DENND2B: variants seen among roughly 807,000 people sequenced by gnomAD.
DENND2B encodes DENN domain-containing protein 2B.
A neutral mutation model predicts 116.0 loss-of-function variants in DENND2B; 32 were observed. The ratio of observed to expected loss-of-function variants is 0.28; its 90% CI spans 0.21 to 0.37. DENND2B has a LOEUF of 0.37. DENND2B is among the 10% of genes least tolerant of loss of function. The pLI, the probability that DENND2B is intolerant of heterozygous loss-of-function variation, is 1.00. For synonymous variants in DENND2B, 588 were observed against 583.9 expected (o/e 1.01, Z -0.10); for missense variants, 1,276 against 1,477.7 (o/e 0.86, Z 2.24).
At chr11:8,746,860 G>C (rs999346333) in intron 2 of DENND2B, among the ~76,000 whole-genome samples, 2 of 152,160 alleles carry the variant, frequency 1.3e-5, no homozygotes, top group Non-Finnish European at 2.9e-5. Flanking sequence ...AGGATGAAGA[G>C]AGGCAGGCTT....
intron 2 of DENND2B, among the ~76,000 whole-genome samples, chr11:8,738,828 T>A (rs541044211): frequency 3.1e-4 from 47 of 152,288 alleles, no homozygotes; most frequent in South Asian, 8.3e-4. Context: ...TTATCCCACA[T>A]TGTTTTCCCT....
At chr11:8,859,489 T>C (rs1019469343) in intron 2 of DENND2B, among the ~76,000 whole-genome samples, 4 of 152,016 alleles carry the variant, frequency 2.6e-5, no homozygotes, top group Admixed American at 2.6e-4. Context: ...TTGTATTTTT[T>C]AGTAGAGACG....
At chr11:8,751,618 C>T (rs910776949) in intron 1 of DENND2B, among the ~76,000 whole-genome samples, 2 of 152,166 alleles carry the variant, frequency 1.3e-5, no homozygotes, top group Non-Finnish European at 2.9e-5. Flanking sequence ...AAGGAACAAA[C>T]TACAGACATG....
chr11:8,804,562 T>TTTTTTTG (rs2060662582), intron 1 of DENND2B, among the ~76,000 whole-genome samples: 2 of 150,742 alleles, frequency 1.3e-5, no homozygotes, highest in African/African-American at 2.4e-5. Flanking sequence ...TTTTTTTTTT[T>TTTTTTTG]GAGACGAAGT....
At chr11:8,810,235 C>T (rs1207454870) in intron 1 of DENND2B, 3 of 152,028 alleles carry the variant, frequency 2.0e-5, no homozygotes. Context: ...GTAAAAATAT[C>T]CTGTGCCTTT....
intron 1 of DENND2B, chr11:8,776,297 CCT>C (rs1196571957): frequency 2.0e-5 from 9 of 451,376 alleles, no homozygotes; most frequent in African/African-American, 1.2e-4. Context: ...TCTCCTTCTT[CCT>C]CTCTGCTTAT....
chr11:8,748,533 C>T (rs1340441644), intron 2 of DENND2B, among the ~76,000 whole-genome samples: 1 of 152,150 alleles, frequency 6.6e-6, no homozygotes, highest in African/African-American at 2.4e-5. Flanking sequence ...ATAATACCTA[C>T]ACCCCAGGGG....
upstream of DENND2B, chr11:8,811,606 C>A (rs914493639): frequency 5.7e-6 from 2 of 353,762 alleles, no homozygotes; most frequent in Non-Finnish European, 1.0e-5. Context: ...TCCTCTCCCC[C>A]CTACCCAGCA....
chr11:8,889,386 GACAGTGGGTGCAGT>G (rs1157802389), intron 1 of DENND2B, among the ~76,000 whole-genome samples: 1 of 152,226 alleles, frequency 6.6e-6, no homozygotes, highest in Non-Finnish European at 1.5e-5. Context: ...GGGCTTGTCA[GACAGTGGGTGCAGT>G]ACAGTGGGTG....
intron 4 of DENND2B, among the ~76,000 whole-genome samples, chr11:8,722,823 A>T (rs866389519): frequency 1.2e-4 from 18 of 152,030 alleles, no homozygotes; most frequent in African/African-American, 4.4e-4. Flanking sequence ...ATATTCCCAA[A>T]CTGGTGCCTG....
At chr11:8,718,604 A>G in intron 4 of DENND2B, 1 of 1,346,642 alleles carries the variant, frequency 7.4e-7, no homozygotes, top group Non-Finnish European at 9.5e-7. Flanking sequence ...AGAACCATCA[A>G]CACTCCCCTT....
chr11:8,724,902 C>T (rs140165202), intron 4 of DENND2B, among the ~76,000 whole-genome samples: 4 of 152,338 alleles, frequency 2.6e-5, no homozygotes, highest in East Asian at 3.9e-4. Flanking sequence ...GGGTTTCCTA[C>T]GCTTGGGCTC....
intron 2 of DENND2B, among the ~76,000 whole-genome samples, chr11:8,737,836 A>T (rs1045670893): frequency 6.6e-6 from 1 of 151,488 alleles, no homozygotes; most frequent in Non-Finnish European, 1.5e-5. Flanking sequence ...TAACCCAAAA[A>T]TCCTGGGCTC....
intron 11 of DENND2B, chr11:8,708,450 C>CT: frequency 1.8e-6 from 1 of 545,994 alleles, no homozygotes; most frequent in Non-Finnish European, 2.3e-6. Flanking sequence ...ATTATTATCC[C>CT]CTTTATAGAT....
At chr11:8,870,212 T>G (rs564365016) in intron 2 of DENND2B, among the ~76,000 whole-genome samples, 1 of 152,302 alleles carries the variant, frequency 6.6e-6, no homozygotes, top group South Asian at 2.1e-4. Flanking sequence ...AGAAGTTATT[T>G]TATTCATATT....
chr11:8,815,781 G>A (rs940312686), intron 4 of DENND2B, among the ~76,000 whole-genome samples: 1 of 152,120 alleles, frequency 6.6e-6, no homozygotes, highest in Non-Finnish European at 1.5e-5. Context: ...TGAGCTCCTC[G>A]AGGTGTATCC....
In DENND2B at chr11:8,832,897, G is replaced by A. The variant is rs1042283344; in HGVS notation, c.-115+6413C>T. On this transcript the variant is annotated intron_variant, in intron 4 of 6. Coordinates refer to the DENND2B transcript ENST00000524757. ...CCCCAGACGGCTTCCAGTAAGCAGC[G>A]GCTGCACTTGAATGTCAGCAAGGGT... Among the ~76,000 whole-genome samples, 7 of 152,342 alleles carry A rather than the reference G, an allele frequency of 4.6e-5. No individual in the cohort carries two copies. In the South Asian group the frequency reaches 6.2e-4, roughly 14 times the overall value.
chr11:8,808,823 T>C (rs977374822), intron 1 of DENND2B: 3 of 152,210 alleles, frequency 2.0e-5, no homozygotes, highest in Non-Finnish European at 4.4e-5. Flanking sequence ...TTAGTTAAGA[T>C]ACTTGCCCGT....
At chr11:8,864,368 A>G (rs542929337) in intron 2 of DENND2B, among the ~76,000 whole-genome samples, 15 of 152,298 alleles carry the variant, frequency 9.8e-5, no homozygotes, top group African/African-American at 3.6e-4. Context: ...CCCAGGATCA[A>G]GCAATCCTCC....
Sources: allele counts gnomAD v4.1 joint callset (sites outside exome capture counted in the v4.1 genomes callset), GRCh38; gene constraint gnomAD v4.1.1; transcripts MANE v1.5; gene names NCBI Gene and HGNC (gene_info 2026-07-23, HGNC 2026-07-21).